The following HNF4A variants were observed in gnomAD, a reference collection of about 807,000 sequenced individuals.
The protein encoded by HNF4A is hepatocyte nuclear factor 4-alpha.
Under a neutral mutation model 52.4 loss-of-function variants are expected in HNF4A, and 15 were observed. The ratio of observed to expected loss-of-function variants is 0.29; its 90% CI spans 0.19 to 0.44. HNF4A has a LOEUF of 0.44. HNF4A is among the 20% of genes least tolerant of loss of function. The pLI is 1.00. For missense variants in HNF4A, 479 were observed against 647.2 expected (o/e 0.74, Z 2.82); for synonymous variants, 280 against 264.4 (o/e 1.06, Z -0.57).
chr20:44,427,551 A>G (rs1482163047), intron 8 of HNF4A, among the ~76,000 whole-genome samples: 8 of 152,242 alleles, frequency 5.3e-5, no homozygotes, highest in Non-Finnish European at 1.2e-4. Flanking sequence ...ATTACTCACC[A>G]TAGGCTATTA....
chr20:44,360,263 G>A (rs1289246449), intron 1 of HNF4A, among the ~76,000 whole-genome samples: 1 of 152,168 alleles, frequency 6.6e-6, no homozygotes, highest in Non-Finnish European at 1.5e-5. Context: ...TGTGATGAAT[G>A]GATGTGATAG....
intron 1 of HNF4A, among the ~76,000 whole-genome samples, chr20:44,366,564 T>C (rs2062972333): frequency 6.6e-6 from 1 of 152,156 alleles, no homozygotes. Flanking sequence ...GAGATTGCAG[T>C]GAGCCAAGAT....
chr20:44,433,016 A>G (rs1467331489), downstream of HNF4A: 4 of 152,200 alleles, frequency 2.6e-5, no homozygotes, highest in African/African-American at 9.6e-5. Context: ...CTTCACATCA[A>G]GAGGTAAGCA....
chr20:44,381,599 C>T (rs998501129), intron 1 of HNF4A, among the ~76,000 whole-genome samples: 2 of 151,972 alleles, frequency 1.3e-5, no homozygotes, highest in South Asian at 2.1e-4. Context: ...CACTCTTTTC[C>T]AAAGGAAAGT....
chr20:44,421,624 C>T (rs756269513), intron 7 of HNF4A, among the ~76,000 whole-genome samples: 2 of 151,628 alleles, frequency 1.3e-5, no homozygotes, highest in African/African-American at 2.4e-5. Flanking sequence ...TGTGGTGGTC[C>T]GTGCCTGTAA....
chr20:44,356,232 AG>A (rs1452021438), intron 1 of HNF4A, among the ~76,000 whole-genome samples: 4 of 152,204 alleles, frequency 2.6e-5, no homozygotes, highest in Non-Finnish European at 5.9e-5. Flanking sequence ...TGCTGGGCCT[AG>A]GTCACGTTGC....
chr20:44,428,214 C>T (rs1446980352), intron 8 of HNF4A, 121 bp from the exon 9 acceptor site: 5 of 982,338 alleles, frequency 5.1e-6, no homozygotes, highest in African/African-American at 1.6e-5. Flanking sequence ...AATAGGTACC[C>T]AACAGGCACT....
At chr20:44,426,874 G>A (rs1425129239) in intron 8 of HNF4A, among the ~76,000 whole-genome samples, 2 of 152,140 alleles carry the variant, frequency 1.3e-5, no homozygotes, top group African/African-American at 2.4e-5. Flanking sequence ...GTCTCAGTAG[G>A]GCTGAAGAAT....
chr20:44,424,358 C>A, intron 8 of HNF4A, 104 bp downstream of exon 8: 1 of 1,545,278 alleles, frequency 6.5e-7, no homozygotes, highest in Non-Finnish European at 8.8e-7. Flanking sequence ...CCCCACTGTG[C>A]CGCTTTGGGC....
At chr20:44,369,140 T>C (rs1172838420) in intron 1 of HNF4A, among the ~76,000 whole-genome samples, 4 of 148,350 alleles carry the variant, frequency 2.7e-5, no homozygotes, top group Admixed American at 1.4e-4. Context: ...TCCCTGCTAC[T>C]GTGGAGGCTG....
At chr20:44,416,222 A>G (rs1200689442) in intron 5 of HNF4A, among the ~76,000 whole-genome samples, 1 of 152,192 alleles carries the variant, frequency 6.6e-6, no homozygotes, top group Non-Finnish European at 1.5e-5. Flanking sequence ...GTATATGAGG[A>G]GCCCAGCTTG....
At position 44,429,620 on chromosome 20, in the gene HNF4A, C is replaced by CG; in HGVS notation, c.1380_1381insG (p.Ser461ValfsTer46). On this transcript the variant is annotated frameshift_variant, in exon 10 of 10. Coordinates refer to ENST00000316099, the MANE Select transcript of HNF4A (RefSeq NM_000457.6). LOFTEE classifies it high-confidence loss of function. Reference sequence around the variant, plus strand: ...CCGTCGCCACAATCGTCAAGCCCCTCTCTGCCATCCCCCAGCCGACCATCA... The same window carrying CG: ...CCGTCGCCACAATCGTCAAGCCCCTCGTCTGCCATCCCCCAGCCGACCATCA... The CG allele has an allele frequency of 6.2e-7, 1 of 1,614,124 alleles. No individual in the cohort carries two copies.
rs141747799 is a variant in HNF4A, at chr20:44,385,554, C to T, written c.50-20504C>T. On this transcript the variant is annotated intron_variant, in intron 1 of 9. Coordinates refer to the HNF4A transcript ENST00000316673. ...CCTGATCTCTTCTCACTGCAACCTC[C>T]GCCTCCCAGGTTCAAGCAATTCTCC... Among the ~76,000 whole-genome samples the T allele has an allele frequency of 2.9e-3, 437 of 151,944 alleles. 3 individuals are homozygous for T. Among genetic ancestry groups the T allele is most frequent in the African/African-American group, 9.9e-3 (411 of 41,412 alleles).
At chr20:44,399,795 A>G (rs1351244284), upstream of HNF4A, among the ~76,000 whole-genome samples, 3 of 151,480 alleles carry the variant, frequency 2.0e-5, no homozygotes, top group African/African-American at 7.3e-5. Context: ...TAATTCACTC[A>G]CTCCTAATTC....
At chr20:44,394,026 G>A (rs774685714) in intron 1 of HNF4A, among the ~76,000 whole-genome samples, 4 of 152,122 alleles carry the variant, frequency 2.6e-5, no homozygotes, top group Non-Finnish European at 4.4e-5. Context: ...GGATTATAAC[G>A]TAGTCTCCGG....
At chr20:44,424,476 C>A in intron 8 of HNF4A, 1 of 991,082 alleles carries the variant, frequency 1.0e-6, no homozygotes, top group Non-Finnish European at 1.5e-6. Context: ...AGTCACTGTT[C>A]TAAGTGCTGG....
intron 1 of HNF4A, among the ~76,000 whole-genome samples, chr20:44,393,282 T>A (rs2063322181): frequency 2.0e-5 from 3 of 152,202 alleles, no homozygotes; most frequent in Admixed American, 6.5e-5. Context: ...AGCCCAGATG[T>A]CATAAGCCAC....
chr20:44,370,347 C>G (rs2063021362), intron 1 of HNF4A, among the ~76,000 whole-genome samples: 1 of 152,140 alleles, frequency 6.6e-6, no homozygotes, highest in African/African-American at 2.4e-5. Context: ...TTTGACAATC[C>G]TTCAATCACG....
At chr20:44,356,376 G>A (rs1162910598) in intron 1 of HNF4A, among the ~76,000 whole-genome samples, 1 of 152,212 alleles carries the variant, frequency 6.6e-6, no homozygotes. Flanking sequence ...ATCTTGTGCG[G>A]ACGTGTGAAA....
Sources: allele counts gnomAD v4.1 joint callset (sites outside exome capture counted in the v4.1 genomes callset), GRCh38; gene constraint gnomAD v4.1.1; transcripts MANE v1.5; gene names NCBI Gene and HGNC (gene_info 2026-07-23, HGNC 2026-07-21).